The following JMY variants were observed in gnomAD, a reference collection of about 807,000 sequenced individuals.
JMY encodes the protein junction-mediating and -regulatory protein.
JMY carries 46 observed loss-of-function variants against 103.3 expected under a neutral mutation model. The observed-to-expected ratio is 0.45, with a 90% CI of 0.35 to 0.57. The LOEUF (loss-of-function observed/expected upper bound fraction) is 0.57. Among genes scored for constraint, JMY ranks in the 20% least tolerant of loss-of-function variants. The pLI is 0.00. For missense variants in JMY, 1,238 were observed against 1,255.2 expected (o/e 0.99, Z 0.21); for synonymous variants, 526 against 489.3 (o/e 1.07, Z -0.99).
In JMY at chr5:79,236,428, C is replaced by T. The variant is rs1744494320; in HGVS notation, c.-223C>T. ...GGCCGCAGGTGACCATGTGAACTACCTGCTCCCGGGACGCTTATTGTCCTT... is the reference window on the plus strand; with the variant it reads ...GGCCGCAGGTGACCATGTGAACTACTTGCTCCCGGGACGCTTATTGTCCTT... On this transcript the variant is annotated 5_prime_UTR_variant, in exon 1 of 11. Coordinates refer to ENST00000396137, the MANE Select transcript of JMY (RefSeq NM_152405.5). 4 of 385,414 alleles carry T rather than the reference C, an allele frequency of 1.0e-5. No homozygotes were observed. Among genetic ancestry groups the T allele is most frequent in the Non-Finnish European group, 4.6e-6 (1 of 219,120 alleles). The allele number at this position is 385,414 out of a possible 1,614,324, so 23.9% of individuals were successfully genotyped here. A position where few individuals can be genotyped will look rare whatever the true frequency, so the allele number is the denominator to read the frequency against.
chr5:79,294,237 C>G (rs1746504431), intron 4 of JMY, among the ~76,000 whole-genome samples: 1 of 151,830 alleles, frequency 6.6e-6, no homozygotes. Context: ...AACCCTGTCT[C>G]TACTAAAAAT....
intron 1 of JMY, among the ~76,000 whole-genome samples, chr5:79,250,196 A>G (rs938299016): frequency 6.6e-5 from 10 of 152,326 alleles, no homozygotes; most frequent in Non-Finnish European, 1.2e-4. Flanking sequence ...CTGTACAGGT[A>G]AAATATTTCC....
chr5:79,267,427 G>A (rs1204077357), intron 1 of JMY, among the ~76,000 whole-genome samples: 1 of 152,076 alleles, frequency 6.6e-6, no homozygotes, highest in Non-Finnish European at 1.5e-5. Context: ...GCAACCAGTG[G>A]TCTTTTTACT....
chr5:79,236,736 T>A lies in JMY; in HGVS notation c.86T>A (p.Phe29Tyr). Reference protein sequence around the residue: ...HVFDEREKHKFVFIVAWNEIE... With the variant: ...HVFDEREKHKYVFIVAWNEIE... ...TTCGACGAGCGCGAGAAACACAAAT[T>A]CGTCTTTATTGTGGCCTGGAACGAG... The change falls in exon 1 of 11, where the codon TTC (phenylalanine) becomes TAC (tyrosine). Residue 29 changes from phenylalanine to tyrosine, a missense_variant. Transcript: ENST00000396137. 6.6e-7 allele frequency: 1 copy of A among 1,505,880 alleles called. No individual in the cohort carries two copies. The highest frequency in any genetic ancestry group is 8.9e-7 in the Non-Finnish European group (1 of 1,125,004). The allele number at this position is 1,505,880 out of a possible 1,614,324, so 93.3% of individuals were successfully genotyped here.
At position 79,236,434 on chromosome 5, in the gene JMY, C is replaced by T; in HGVS notation, c.-217C>T. The T allele has an allele frequency of 5.1e-6, 2 of 390,274 alleles. No homozygotes were observed. Among genetic ancestry groups the T allele is most frequent in the Admixed American group, 4.6e-5 (1 of 21,836 alleles). 24.2% of individuals were successfully genotyped at this position (390,274 alleles called of 1,614,324 possible). A position where few individuals can be genotyped will look rare whatever the true frequency, so the allele number is the denominator to read the frequency against. ...AGGTGACCATGTGAACTACCTGCTC[C>T]CGGGACGCTTATTGTCCTTCTCTCG... On this transcript the variant is annotated 5_prime_UTR_variant, in exon 1 of 11. Transcript: ENST00000396137.
rs1747485310 is a variant in JMY at position 79,322,448 on chromosome 5, C to A, written c.*846C>A. The A allele has an allele frequency of 6.6e-6, 1 of 152,104 alleles. No individual in the cohort carries two copies. Among genetic ancestry groups the A allele is most frequent in the Non-Finnish European group, 1.5e-5 (1 of 68,026 alleles). 9.4% of individuals were successfully genotyped at this position (152,104 alleles called of 1,614,324 possible). On this transcript the variant is annotated 3_prime_UTR_variant, in exon 11 of 11. Transcript: ENST00000396137. Reference sequence around the variant, plus strand: ...GATTGCTATGACTGACATGACTTTCCTATTGAGAATCAAAAATCAAGATTC... The same window carrying A: ...GATTGCTATGACTGACATGACTTTCATATTGAGAATCAAAAATCAAGATTC...
chr5:79,246,881 C>CAA (rs113796518), intron 1 of JMY, among the ~76,000 whole-genome samples: 1 of 141,492 alleles, frequency 7.1e-6, no homozygotes, highest in African/African-American at 2.6e-5. Context: ...GACACCATCT[C>CAA]AAAAAAAAAA....
intron 1 of JMY, among the ~76,000 whole-genome samples, chr5:79,264,253 T>C (rs1304805678): frequency 7.4e-6 from 1 of 134,428 alleles, no homozygotes; most frequent in African/African-American, 2.5e-5. Flanking sequence ...ACCTGGCTAA[T>C]TTTTTGTGTT....
At chr5:79,240,522 T>C (rs1255240834) in intron 1 of JMY, among the ~76,000 whole-genome samples, 1 of 152,126 alleles carries the variant, frequency 6.6e-6, no homozygotes, top group East Asian at 1.9e-4. Context: ...TTGGCCAGGC[T>C]GGTCTTGAAC....
intron 10 of JMY, among the ~76,000 whole-genome samples, chr5:79,317,494 TATA>T (rs1747274144): frequency 6.6e-6 from 1 of 152,210 alleles, no homozygotes; most frequent in African/African-American, 2.4e-5. Flanking sequence ...ATATCAAATT[TATA>T]ATGATGGTAA....
intron 8 of JMY, among the ~76,000 whole-genome samples, chr5:79,313,432 C>CA (rs1375212208): frequency 6.6e-6 from 1 of 151,328 alleles, no homozygotes; most frequent in East Asian, 1.9e-4. Context: ...AACAAACAAA[C>CA]AAACAAAAGG....
At chr5:79,260,207 G>A (rs1322950376) in intron 1 of JMY, among the ~76,000 whole-genome samples, 1 of 152,204 alleles carries the variant, frequency 6.6e-6, no homozygotes. Flanking sequence ...TTGGGATGCG[G>A]TAGGAAGCAA....
chr5:79,266,864 T>C (rs550141847), intron 1 of JMY, among the ~76,000 whole-genome samples: 2 of 152,290 alleles, frequency 1.3e-5, no homozygotes, highest in African/African-American at 2.4e-5. Flanking sequence ...AAAAAATAGG[T>C]GTCAGCAGGT....
intron 1 of JMY, among the ~76,000 whole-genome samples, chr5:79,276,254 G>T (rs1186092774): frequency 6.6e-6 from 1 of 151,876 alleles, no homozygotes; most frequent in Non-Finnish European, 1.5e-5. Context: ...AAGGAGCTGG[G>T]ATTATGGGTG....
intron 1 of JMY, among the ~76,000 whole-genome samples, chr5:79,266,510 T>C (rs148925635): frequency 6.6e-6 from 1 of 152,266 alleles, no homozygotes; most frequent in South Asian, 2.1e-4. Context: ...TATTTTGATA[T>C]GCATATACAA....
At chr5:79,308,995 A>G (rs1746967371) in intron 7 of JMY, among the ~76,000 whole-genome samples, 1 of 152,120 alleles carries the variant, frequency 6.6e-6, no homozygotes, top group Non-Finnish European at 1.5e-5. Context: ...TGAAAACTCC[A>G]GTTGTTCATT....
intron 1 of JMY, among the ~76,000 whole-genome samples, chr5:79,267,680 G>T (rs762000712): frequency 1.2e-4 from 19 of 152,318 alleles, no homozygotes; most frequent in Admixed American, 5.9e-4. Context: ...CTCACAAAGT[G>T]CTGGGATTAC....
At position 79,300,157 on chromosome 5, in the gene JMY, A is replaced by G. The variant is rs1416252679; in HGVS notation, c.1532A>G (p.Gln511Arg). 2 of 1,612,568 alleles carry G rather than the reference A, an allele frequency of 1.2e-6. No individual in the cohort carries two copies. The highest frequency in any genetic ancestry group is 1.3e-5 in the African/African-American group (1 of 74,840). Residue 511 changes from glutamine (Q) to arginine (R), a missense_variant, in exon 5 of 11, where the codon CAG becomes CGG. Gln to Arg is a conservative substitution (Grantham distance 43). Coordinates refer to ENST00000396137, the MANE Select transcript of JMY (RefSeq NM_152405.5). Reference protein sequence around the residue: ...QRKHALKEEMQSLRGGTEAIA... With the variant: ...QRKHALKEEMRSLRGGTEAIA... ...TAATTTGTATTTTCAATGCAGATGCAGAGTTTGCGGGGTGGTACAGAAGCG... is the reference window on the plus strand; with the variant it reads ...TAATTTGTATTTTCAATGCAGATGCGGAGTTTGCGGGGTGGTACAGAAGCG...
chr5:79,247,872 TTATTTTATTTTA>T (rs1320585218), intron 1 of JMY, among the ~76,000 whole-genome samples: 6 of 146,568 alleles, frequency 4.1e-5, no homozygotes, highest in African/African-American at 1.1e-4. Context: ...ATATTTTATT[TTATTTTATTTTA>T]TATTTTATTT....
Sources: gnomAD v4.1 joint callset for allele counts (sites outside exome capture counted in the v4.1 genomes callset) on GRCh38, gnomAD v4.1.1 for gene constraint, MANE v1.5 for transcripts, NCBI Gene and HGNC (gene_info 2026-07-23, HGNC 2026-07-21) for gene names.